PARVB: variants seen among roughly 807,000 people sequenced by gnomAD.
PARVB encodes beta-parvin.
A neutral mutation model predicts 47.0 loss-of-function variants in PARVB; 46 were observed. That is an observed-to-expected ratio of 0.98 (90% CI 0.77 to 1.25). The LOEUF is 1.25. Ranked by LOEUF, PARVB falls within the 50% of genes most tolerant of loss-of-function variation. PARVB has a pLI of 0.00. For synonymous variants in PARVB, 196 were observed against 196.3 expected (o/e 1.00, Z 0.01); for missense variants, 473 against 471.6 (o/e 1.00, Z -0.03).
At chr22:44,048,168 C>T (rs1051895266) in intron 1 of PARVB, among the ~76,000 whole-genome samples, 20 of 152,110 alleles carry the variant, frequency 1.3e-4, no homozygotes, top group South Asian at 2.1e-4. Context: ...ATAGGAGAGG[C>T]GAGACTGAAA....
upstream of PARVB, among the ~76,000 whole-genome samples, chr22:44,023,768 C>T (rs889331442): frequency 2.6e-5 from 4 of 152,210 alleles, no homozygotes; most frequent in Admixed American, 1.3e-4. Flanking sequence ...TTTCCTGGGG[C>T]CTCCCCGTCG....
In PARVB at chr22:44,082,875, A is replaced by G. The variant is rs138369207; in HGVS notation, c.113-11053A>G. On this transcript the variant is annotated intron_variant, in intron 1 of 12. Coordinates refer to ENST00000338758, the MANE Select transcript of PARVB (RefSeq NM_013327.5). ...GCTTCGGAGCTTTTTTTACATTTCT[A>G]TGTAAGCAACTTTTCGTATTCAGAA... Among the ~76,000 whole-genome samples, 58 of 152,152 alleles carry G rather than the reference A, an allele frequency of 3.8e-4. No individual in the cohort carries two copies. The Middle Eastern group carries it at 0.01, about 27-fold the overall frequency.
intron 1 of PARVB, among the ~76,000 whole-genome samples, chr22:44,066,085 A>G (rs1601550245): frequency 1.3e-5 from 2 of 152,314 alleles, no homozygotes; most frequent in South Asian, 4.1e-4. Context: ...CTAAAAAGGA[A>G]TGAGAGTGGC....
intron 9 of PARVB, chr22:44,148,540 G>GGCT (rs1480990940): frequency 4.4e-5 from 7 of 160,378 alleles, no homozygotes; most frequent in African/African-American, 1.7e-4. Flanking sequence ...CCATTCAGGA[G>GGCT]GCTGCTGCAT....
intron 2 of PARVB, among the ~76,000 whole-genome samples, chr22:44,005,195 A>T (rs976627776): frequency 6.6e-6 from 1 of 151,794 alleles, no homozygotes; most frequent in African/African-American, 2.4e-5. Context: ...AACCTCTTGG[A>T]CTTAAGCAAT....
chr22:44,116,521 G>A (rs962142088), intron 3 of PARVB, among the ~76,000 whole-genome samples: 3 of 152,210 alleles, frequency 2.0e-5, no homozygotes, highest in Non-Finnish European at 2.9e-5. Flanking sequence ...AGCCTGGTCC[G>A]CAGTGGTGCC....
chr22:44,148,170 A>G (rs1049754941), intron 9 of PARVB: 12 of 539,444 alleles, frequency 2.2e-5, no homozygotes, highest in African/African-American at 2.1e-4. Context: ...TGAATTACCC[A>G]GCCCCCATTT....
At chr22:44,141,091 G>A (rs1255701069) in intron 8 of PARVB, 1 of 155,872 alleles carries the variant, frequency 6.4e-6, no homozygotes, top group African/African-American at 2.4e-5. Context: ...GCTGATATCT[G>A]TCTTTTGGGG....
chr22:44,122,566 G>GAGAGAGAGAGAGAGAGAGACACAGAGAC (rs2053089086), intron 4 of PARVB, among the ~76,000 whole-genome samples: 8 of 66,244 alleles, frequency 1.2e-4, no homozygotes, highest in African/African-American at 3.8e-4. Flanking sequence ...CAGAGACAGA[G>GAGAGAGAGAGAGAGAGAGACACAGAGAC]AGAGAGAGAG....
intron 2 of PARVB, among the ~76,000 whole-genome samples, chr22:44,097,953 G>T (rs537546340): frequency 5.1e-4 from 77 of 152,272 alleles, no homozygotes; most frequent in African/African-American, 1.8e-3. Context: ...ACAGTCCTGG[G>T]ACATCCGAGC....
chr22:44,020,163 A>G (rs1224886861), upstream of PARVB, among the ~76,000 whole-genome samples: 1 of 150,022 alleles, frequency 6.7e-6, no homozygotes, highest in Non-Finnish European at 1.5e-5. Context: ...TCAGTCCCAC[A>G]AGACAGTCAC....
chr22:44,169,095 A>C lies in PARVB; in HGVS notation c.*417A>C, dbSNP rs139097. ...AGCGATCACAGGCCTTCAGAAGTACAACATCAGCTCAGCAGGAACGCCGGC... is the reference window on the plus strand; with the variant it reads ...AGCGATCACAGGCCTTCAGAAGTACCACATCAGCTCAGCAGGAACGCCGGC... On this transcript the variant is annotated 3_prime_UTR_variant, in exon 13 of 13. Coordinates refer to ENST00000338758, the MANE Select transcript of PARVB (RefSeq NM_013327.5). 8,689 of 157,136 alleles carry C rather than the reference A, an allele frequency of 0.055. 773 individuals are homozygous for C. The highest frequency in any genetic ancestry group is 0.14 in the African/African-American group (4,366 of 31,838). The allele number at this position is 157,136 out of a possible 1,614,324, so 9.7% of individuals were successfully genotyped here. A position where few individuals can be genotyped will look rare whatever the true frequency, so the allele number is the denominator to read the frequency against.
chr22:44,047,894 A>C (rs1011750268), intron 1 of PARVB, among the ~76,000 whole-genome samples: 19 of 152,112 alleles, frequency 1.2e-4, no homozygotes, highest in Non-Finnish European at 8.8e-5. Context: ...TCCCTTCAGC[A>C]TCTTGGGGGT....
intron 10 of PARVB, among the ~76,000 whole-genome samples, chr22:44,154,631 G>C (rs922766773): frequency 1.3e-5 from 2 of 148,712 alleles, no homozygotes; most frequent in Non-Finnish European, 3.0e-5. Flanking sequence ...TAGTCTGTGT[G>C]GTGTGTGTGT....
At chr22:44,117,141 G>A (rs780826824) in intron 3 of PARVB, among the ~76,000 whole-genome samples, 39 of 152,164 alleles carry the variant, frequency 2.6e-4, no homozygotes, top group Non-Finnish European at 3.4e-4. Flanking sequence ...ACCCCGCCCC[G>A]TGGCAGGGGC....
At chr22:44,121,595 C>T (rs920834542) in intron 4 of PARVB, among the ~76,000 whole-genome samples, 1 of 151,398 alleles carries the variant, frequency 6.6e-6, no homozygotes, top group Non-Finnish European at 1.5e-5. Context: ...ATAACACATT[C>T]CCCTGGACTG....
intron 1 of PARVB, among the ~76,000 whole-genome samples, chr22:44,072,688 C>T (rs1364431733): frequency 6.6e-6 from 1 of 152,168 alleles, no homozygotes; most frequent in Non-Finnish European, 1.5e-5. Context: ...GTCATCCACC[C>T]ACCTTGGCCT....
chr22:44,034,225 TTCTTTATACATATATATTTGAGATGGGTG>T (rs1342323164), intron 1 of PARVB, among the ~76,000 whole-genome samples: 2 of 149,866 alleles, frequency 1.3e-5, no homozygotes, highest in African/African-American at 2.4e-5. Context: ...AGAATATATA[TTCTTTATACATATATATTTGAGATGGGTG>T]TCTTTATACA....
intron 4 of PARVB, among the ~76,000 whole-genome samples, chr22:44,129,049 G>C (rs1244055126): frequency 6.6e-6 from 1 of 152,194 alleles, no homozygotes; most frequent in South Asian, 2.1e-4. Flanking sequence ...TTGCACTCCA[G>C]CCTGGGTGAC....
Sources: allele counts gnomAD v4.1 joint callset (sites outside exome capture counted in the v4.1 genomes callset), GRCh38; gene constraint gnomAD v4.1.1; transcripts MANE v1.5; gene names NCBI Gene and HGNC (gene_info 2026-07-23, HGNC 2026-07-21).